Variants in SP140 observed in about 807,000 individuals in gnomAD.
The protein encoded by SP140 is SP140 nuclear body protein, also known as nuclear body protein SP140.
SP140 carries 81 observed loss-of-function variants against 125.0 expected under a neutral mutation model. The ratio of observed to expected loss-of-function variants is 0.65; its 90% CI spans 0.54 to 0.78. The LOEUF (loss-of-function observed/expected upper bound fraction) is 0.78, where lower values mean the gene tolerates loss of function less well. Among genes scored for constraint, SP140 ranks in the 30% least tolerant of loss-of-function variants. SP140 has a pLI of 0.00. For synonymous variants in SP140, 312 were observed against 354.0 expected (o/e 0.88, Z 1.33); for missense variants, 858 against 1,037.0 (o/e 0.83, Z 2.37).
At chr2:230,208,056 T>G in intron 1 of SP140, 1 of 1,515,530 alleles carries the variant, frequency 6.6e-7, no homozygotes, top group Non-Finnish European at 9.1e-7. Flanking sequence ...TTTTCTTTTC[T>G]TTCCTAAAAA....
At chr2:230,252,935 C>A (rs1370015816) in intron 10 of SP140, among the ~76,000 whole-genome samples, 1 of 151,742 alleles carries the variant, frequency 6.6e-6, no homozygotes, top group Admixed American at 6.6e-5. Context: ...AAAATGCTAC[C>A]GGGAGGGAAG....
chr2:230,267,169 G>A (rs938756151), intron 12 of SP140, among the ~76,000 whole-genome samples: 2 of 152,192 alleles, frequency 1.3e-5, no homozygotes, highest in African/African-American at 4.8e-5. Context: ...AAAAATTTTG[G>A]CTTTAGGTGA....
chr2:230,247,946 C>T lies in SP140; in HGVS notation c.773C>T (p.Ala258Val). The T allele has an allele frequency of 1.2e-6, 2 of 1,613,656 alleles. No individual in the cohort carries two copies. Among genetic ancestry groups the T allele is most frequent in the Non-Finnish European group, 1.7e-6 (2 of 1,179,770 alleles). ...VLESNGMIDA[A>V]RTYSTAPGEK... ...GAAAGCAACGGGATGATAGATGCGG[C>T]AAGGACATACAGCACAGCACCAGGG... The change falls in exon 8 of 27, where the codon GCA (alanine) becomes GTA (valine). Residue 258 changes from alanine (A) to valine (V), a missense_variant. Physicochemically the swap from Ala to Val is moderately conservative, Grantham distance 64 (BLOSUM62 0). This residue lies in a region of SP140 where 791 missense variants were observed against 869.5 expected (regional missense o/e 0.91). Coordinates refer to ENST00000392045, the MANE Select transcript of SP140 (RefSeq NM_007237.5).
the SP140 span, among the ~76,000 whole-genome samples, chr2:230,189,850 A>C: frequency 2.0e-5 from 3 of 152,212 alleles, no homozygotes; most frequent in Non-Finnish European, 2.9e-5. Flanking sequence ...AGCTTCATCC[A>C]TGTACCTGCA....
intron 1 of SP140, among the ~76,000 whole-genome samples, chr2:230,236,565 CT>C (rs2048043488): frequency 6.6e-6 from 1 of 152,220 alleles, no homozygotes; most frequent in African/African-American, 2.4e-5. Flanking sequence ...TGAATGCAGT[CT>C]ACTAGAGGAT....
chr2:230,247,740 A>T (rs1426795762), intron 7 of SP140, among the ~76,000 whole-genome samples, 176 bp from the exon 8 acceptor site: 1 of 152,072 alleles, frequency 6.6e-6, no homozygotes, highest in Non-Finnish European at 1.5e-5. Flanking sequence ...TTATATACAA[A>T]TTTTCTAGTC....
At chr2:230,259,495 T>A (rs1161935680) in intron 12 of SP140, among the ~76,000 whole-genome samples, 1 of 149,976 alleles carries the variant, frequency 6.7e-6, no homozygotes, top group African/African-American at 2.5e-5. Flanking sequence ...CTGGCCAACA[T>A]GGCAAAACCC....
chr2:230,199,546 A>G (rs2148842856), upstream of SP140, among the ~76,000 whole-genome samples: 1 of 152,206 alleles, frequency 6.6e-6, no homozygotes, highest in East Asian at 1.9e-4. Flanking sequence ...CACTGCTTTT[A>G]GAAAAGTCCA....
intron 22 of SP140, 71 bp downstream of exon 22, chr2:230,297,533 T>C: frequency 6.5e-7 from 1 of 1,544,036 alleles, no homozygotes; most frequent in Middle Eastern, 1.7e-4. Context: ...TTCTGTGTCA[T>C]GACTGCTGTT....
chr2:230,306,852 C>T (rs2058807553), intron 22 of SP140, among the ~76,000 whole-genome samples: 1 of 152,204 alleles, frequency 6.6e-6, no homozygotes, highest in Non-Finnish European at 1.5e-5. Flanking sequence ...GGCAGACAGG[C>T]TCCTGGGTGG....
In SP140 at chr2:230,242,616, C is replaced by T. The variant is rs555410994; in HGVS notation, c.491-1115C>T. ...ACTTGGTACTTTGAGAACTGAAAGC[C>T]ACATCTTCATTGCTCAAGTTAGATC... On this transcript the variant is annotated intron_variant, in intron 4 of 26. Transcript: ENST00000392045. Among the ~76,000 whole-genome samples, 11 of 152,086 alleles carry T rather than the reference C, an allele frequency of 7.2e-5. 1 individual carries two copies. The highest frequency in any genetic ancestry group is 2.7e-4 in the African/African-American group (11 of 41,480).
At chr2:230,298,955 G>A (rs111839500) in intron 22 of SP140, among the ~76,000 whole-genome samples, 4,517 of 152,242 alleles carry the variant, frequency 0.03, 198 homozygotes, top group African/African-American at 0.095. Flanking sequence ...TTGGGTTCAG[G>A]ACATTAGCAT....
chr2:230,220,681 G>A (rs934117647), intron 3 of SP140, among the ~76,000 whole-genome samples: 2 of 152,050 alleles, frequency 1.3e-5, no homozygotes, highest in African/African-American at 2.4e-5. Flanking sequence ...GATCCCTAAT[G>A]TACATTGACA....
In SP140 at chr2:230,247,916, T is replaced by C; in HGVS notation, c.743T>C (p.Val248Ala). 8 of 1,612,868 alleles carry C rather than the reference T, an allele frequency of 5.0e-6. No individual in the cohort carries two copies. The highest frequency in any genetic ancestry group is 2.2e-5 in the East Asian group (1 of 44,856). ...CAGAGATGCCTTTTTTGATCCCTAG[T>C]TCTAGAAAGCAACGGGATGATAGAT... ...MPKLLPYDTE[V>A]LESNGMIDAA... Residue 248 changes from valine to alanine, a missense_variant and splice_region_variant, in exon 8 of 27, where the codon GTT (valine) becomes GCT (alanine). Transcript: ENST00000392045.
Position 230,225,903 on chromosome 2 carries a change from G to A in SP140, c.59G>A (p.Arg20Lys). 1 of 1,613,452 alleles carries A rather than the reference G, an allele frequency of 6.2e-7. No homozygotes were observed. The highest frequency in any genetic ancestry group is 8.5e-7 in the Non-Finnish European group (1 of 1,179,454). ...AGTGGAGACAGCAATCTCAACTTCA[G>A]GTGGGTCATCGTCTCCTTTCCCGTC... ...MASGDSNLNF[R>K]MVAEIQNVEG... Residue 20 changes from arginine (R) to lysine (K), a missense_variant and splice_region_variant, in exon 1 of 27, where the codon AGG becomes AAG. By Grantham distance (26) the Arg-to-Lys change is conservative. Around this residue, in one of 4 missense-constraint regions of SP140, gnomAD observed 791 missense variants for 869.5 expected, o/e 0.91. Transcript: ENST00000392045.
chr2:230,268,724 T>G (rs1007497971), intron 12 of SP140, among the ~76,000 whole-genome samples: 1 of 152,108 alleles, frequency 6.6e-6, no homozygotes, highest in African/African-American at 2.4e-5. Flanking sequence ...CAAGTCAGAG[T>G]TCGAGTTGTT....
Position 230,225,816 on chromosome 2 carries a change from C to G in SP140, c.-29C>G. Reference sequence around the variant, plus strand: ...CAGGAAGGAACGGGGCAGTGAAAATCGAATCGGGTGTGATCCTAGGCCAAG... The same window carrying G: ...CAGGAAGGAACGGGGCAGTGAAAATGGAATCGGGTGTGATCCTAGGCCAAG... On this transcript the variant is annotated 5_prime_UTR_variant, in exon 1 of 27. In the 5' UTR this introduces an upstream ATG that the reference lacks. Transcript: ENST00000392045. The G allele has an allele frequency of 2.5e-6, 4 of 1,604,750 alleles. No individual in the cohort carries two copies. Among genetic ancestry groups the G allele is most frequent in the Non-Finnish European group, 3.4e-6 (4 of 1,171,526 alleles).
chr2:230,207,425 C>A (rs1352315841), intron 1 of SP140, among the ~76,000 whole-genome samples: 2 of 152,092 alleles, frequency 1.3e-5, no homozygotes, highest in African/African-American at 4.8e-5. Flanking sequence ...AAGGAGATAC[C>A]AATGCAAGTG....
intron 1 of SP140, among the ~76,000 whole-genome samples, chr2:230,233,509 A>T (rs1051552188): frequency 7.9e-5 from 12 of 152,178 alleles, no homozygotes; most frequent in Admixed American, 5.2e-4. Flanking sequence ...ATTTGGGTTC[A>T]GGATATTTTT....
Sources: gnomAD v4.1 joint callset for allele counts (sites outside exome capture counted in the v4.1 genomes callset) on GRCh38, gnomAD v4.1.1 for gene constraint, gnomAD v4.1.1 regional missense constraint, MANE v1.5 for transcripts, NCBI Gene and HGNC (gene_info 2026-07-23, HGNC 2026-07-21) for gene names.